The following TACC2 variants were observed in gnomAD, a reference collection of about 807,000 sequenced individuals.
The protein encoded by TACC2 is transforming acidic coiled-coil-containing protein 2.
In TACC2, 137 loss-of-function variants were observed where a neutral mutation model predicts 227.3. The observed-to-expected ratio is 0.60, with a 90% CI of 0.52 to 0.69. The LOEUF (loss-of-function observed/expected upper bound fraction) is 0.69, where lower values mean the gene tolerates loss of function less well. Among genes scored for constraint, TACC2 ranks in the 30% least tolerant of loss-of-function variants. The probability of loss-of-function intolerance (pLI) is 0.00; values close to 1 mark genes in which losing one functional copy is unlikely to be tolerated. For synonymous variants in TACC2, 1,523 were observed against 1,487.5 expected, an observed-to-expected ratio of 1.02 and a Z score of -0.55; for missense variants, 3,470 against 3,694.4, an observed-to-expected ratio of 0.94 and a Z score of 1.57.
intron 2 of TACC2, among the ~76,000 whole-genome samples, chr10:122,036,500 C>CT (rs372264940): frequency 0.54 from 71,041 of 131,828 alleles, 20,123 homozygotes; most frequent in Non-Finnish European, 0.63. Flanking sequence ...GCAATCCATT[C>CT]TTTTTTTTTT....
At chr10:122,155,832 AAT>A (rs1491434195) in intron 7 of TACC2, among the ~76,000 whole-genome samples, 17 of 112,298 alleles carry the variant, frequency 1.5e-4, no homozygotes, top group Non-Finnish European at 2.4e-4. Flanking sequence ...ATAGTGGGAA[AAT>A]TTTTTTTTTT....
intron 5 of TACC2, among the ~76,000 whole-genome samples, chr10:122,096,383 C>T (rs530794447): frequency 1.3e-4 from 20 of 152,334 alleles, no homozygotes; most frequent in Admixed American, 5.2e-4. Flanking sequence ...ACAAACCCCC[C>T]GGTGGCCACA....
chr10:122,079,504 C>G (rs973594464), intron 3 of TACC2, among the ~76,000 whole-genome samples: 4 of 152,208 alleles, frequency 2.6e-5, no homozygotes, highest in Non-Finnish European at 5.9e-5. Flanking sequence ...GTAGCCAGCT[C>G]TCTTTTGGGT....
intron 3 of TACC2, among the ~76,000 whole-genome samples, chr10:122,078,366 C>G (rs532908222): frequency 3.3e-5 from 5 of 152,180 alleles, no homozygotes; most frequent in African/African-American, 1.2e-4. Context: ...GGCCTCCTTC[C>G]TCCCTTTAAG....
intron 3 of TACC2, among the ~76,000 whole-genome samples, chr10:122,081,817 T>A (rs2079541775): frequency 6.6e-6 from 1 of 152,184 alleles, no homozygotes. Context: ...TATAAATGAT[T>A]TTGGGGTTAT....
intron 5 of TACC2, among the ~76,000 whole-genome samples, chr10:122,105,714 G>A (rs961413149): frequency 1.5e-4 from 23 of 150,808 alleles, no homozygotes; most frequent in African/African-American, 4.4e-4. Flanking sequence ...TCTGCTTCCC[G>A]GGTTCGAGCG....
chr10:122,036,429 G>A (rs1246179640), intron 2 of TACC2, among the ~76,000 whole-genome samples: 4 of 150,652 alleles, frequency 2.7e-5, no homozygotes, highest in African/African-American at 7.3e-5. Flanking sequence ...TCCTGACCTC[G>A]TGATCCGCCC....
chr10:122,059,286 T>C (rs767247950), intron 3 of TACC2, among the ~76,000 whole-genome samples: 1 of 151,948 alleles, frequency 6.6e-6, no homozygotes, highest in Non-Finnish European at 1.5e-5. Flanking sequence ...TGGTGAGCTA[T>C]TGCCAGGACC....
intron 3 of TACC2, among the ~76,000 whole-genome samples, chr10:122,076,935 C>A (rs1052390137): frequency 5.3e-5 from 8 of 151,782 alleles, no homozygotes; most frequent in African/African-American, 7.3e-5. Context: ...GCCAACATAA[C>A]AAAACCCTAT....
intron 1 of TACC2, among the ~76,000 whole-genome samples, chr10:122,016,358 A>G (rs1400962905): frequency 1.3e-5 from 2 of 151,392 alleles, no homozygotes; most frequent in African/African-American, 4.9e-5. Flanking sequence ...CACGAGGTCA[A>G]GAGTTCGAGA....
At chr10:122,185,688 G>A (rs1331662090) in intron 7 of TACC2, among the ~76,000 whole-genome samples, 1 of 152,216 alleles carries the variant, frequency 6.6e-6, no homozygotes, top group African/African-American at 2.4e-5. Context: ...TGCAAGCTCT[G>A]TGTCACATGA....
At chr10:122,193,664 C>T (rs1232497285) in intron 7 of TACC2, among the ~76,000 whole-genome samples, 1 of 152,200 alleles carries the variant, frequency 6.6e-6, no homozygotes, top group African/African-American at 2.4e-5. Context: ...TTAGCCCCCT[C>T]GTTGCAAATG....
intron 3 of TACC2, among the ~76,000 whole-genome samples, chr10:122,080,675 A>G (rs1591780294): frequency 6.6e-6 from 1 of 152,282 alleles, no homozygotes; most frequent in East Asian, 1.9e-4. Context: ...TATGGATTTG[A>G]GGGGGGCACA....
chr10:122,185,485 C>T (rs1006403574), intron 7 of TACC2, among the ~76,000 whole-genome samples: 8 of 152,034 alleles, frequency 5.3e-5, no homozygotes, highest in African/African-American at 1.7e-4. Flanking sequence ...CATGAGCCAC[C>T]GCACCTGGCC....
intron 19 of TACC2, chr10:122,247,264 G>A (rs114434423): frequency 2.0e-5 from 3 of 152,356 alleles, no homozygotes; most frequent in African/African-American, 4.8e-5. Flanking sequence ...GCTGGCTCCC[G>A]TTGTTCTGTT....
intron 3 of TACC2, among the ~76,000 whole-genome samples, chr10:122,054,296 T>C (rs1368187023): frequency 5.3e-5 from 8 of 152,224 alleles, no homozygotes; most frequent in Admixed American, 3.9e-4. Flanking sequence ...TGACCATCCC[T>C]GCACAGGCCC....
rs1228354610 is a variant in TACC2, at chr10:122,119,135, TC to T, written c.5574-13471del. ...TCCATTAAACAACAATTTCCCTTCT[TC>T]CCTTCTCTCCCCAGACCCTGGTAAC... On this transcript the variant is annotated intron_variant, in intron 5 of 22. Coordinates refer to ENST00000369005, the MANE Select transcript of TACC2 (RefSeq NM_206862.4). Among the ~76,000 whole-genome samples the T allele has an allele frequency of 9.1e-3, 1,383 of 152,274 alleles. 16 individuals carry two copies. The highest frequency in any genetic ancestry group is 0.032 in the African/African-American group (1,335 of 41,558).
intron 2 of TACC2, among the ~76,000 whole-genome samples, chr10:122,044,993 C>T (rs2074804049): frequency 1.3e-5 from 2 of 152,036 alleles, no homozygotes; most frequent in Non-Finnish European, 2.9e-5. Context: ...ACACACAGGT[C>T]CTTTGGAATC....
intron 7 of TACC2, among the ~76,000 whole-genome samples, chr10:122,156,348 C>A (rs2092473098): frequency 6.6e-6 from 1 of 151,520 alleles, no homozygotes; most frequent in East Asian, 2.0e-4. Flanking sequence ...CTCTGCCTCC[C>A]GAGTAACTGG....
Sources: allele counts gnomAD v4.1 joint callset (sites outside exome capture counted in the v4.1 genomes callset), GRCh38; gene constraint gnomAD v4.1.1; transcripts MANE v1.5; gene names NCBI Gene and HGNC (gene_info 2026-07-23, HGNC 2026-07-21).